Variants in CCSER2 observed in about 807,000 individuals in gnomAD.
CCSER2 encodes serine-rich coiled-coil domain-containing protein 2.
A neutral mutation model predicts 92.3 loss-of-function variants in CCSER2; 46 were observed. That is an observed-to-expected ratio of 0.50 (90% CI 0.39 to 0.64). The LOEUF is 0.64. CCSER2 is among the 30% of genes least tolerant of loss of function. The pLI is 0.00. For missense variants in CCSER2, 1,244 were observed against 1,238.9 expected (o/e 1.00, Z -0.06); for synonymous variants, 433 against 431.4 (o/e 1.00, Z -0.04).
intron 3 of CCSER2, among the ~76,000 whole-genome samples, chr10:84,409,237 C>T (rs1032045533): frequency 2.6e-5 from 4 of 151,958 alleles, no homozygotes; most frequent in Non-Finnish European, 4.4e-5. Context: ...GTGATCTGCC[C>T]GCCGTGGCCT....
chr10:84,483,459 A>G (rs1410775771), intron 9 of CCSER2, among the ~76,000 whole-genome samples: 17 of 152,050 alleles, frequency 1.1e-4, no homozygotes, highest in Non-Finnish European at 5.9e-5. Context: ...TTTTCCCATC[A>G]TAAATATTTA....
At position 84,373,719 on chromosome 10, in the gene CCSER2, C is replaced by T; in HGVS notation, c.1518C>T (p.Ser506=). The change falls in exon 3 of 10, where the codon AGC becomes AGT. Residue 506 remains serine (S), a synonymous_variant. Transcript: ENST00000372088. ...CGTTTGAACTCTCTCCATCTGATAGCTCTGATGGAACATACATGTGGGATG... is the reference window on the plus strand; with the variant it reads ...CGTTTGAACTCTCTCCATCTGATAGTTCTGATGGAACATACATGTGGGATG... The part of the protein sequence containing the change: ...GSSFELSPSD[S]SDGTYMWDEE... The T allele has an allele frequency of 1.2e-6, 2 of 1,613,304 alleles. No homozygotes were observed. The highest frequency in any genetic ancestry group is 1.7e-6 in the Non-Finnish European group (2 of 1,179,358).
chr10:84,481,731 C>T (rs1051821736), intron 9 of CCSER2, among the ~76,000 whole-genome samples: 19 of 152,038 alleles, frequency 1.2e-4, no homozygotes, highest in African/African-American at 4.1e-4. Context: ...GTGTGAAGCA[C>T]GTCTTAGTGG....
intron 6 of CCSER2, among the ~76,000 whole-genome samples, chr10:84,452,897 T>C (rs962692839): frequency 2.6e-5 from 4 of 152,188 alleles, no homozygotes; most frequent in African/African-American, 9.6e-5. Context: ...CAAGGATTAA[T>C]AGAGAGTACT....
intron 1 of CCSER2, among the ~76,000 whole-genome samples, chr10:84,363,147 ATTTTTTTTT>A (rs1182773588): frequency 2.4e-5 from 2 of 84,366 alleles, no homozygotes; most frequent in African/African-American, 1.3e-4. Flanking sequence ...ACACCCAGCT[ATTTTTTTTT>A]TTTTTTTTTG....
intron 1 of CCSER2, among the ~76,000 whole-genome samples, chr10:84,346,153 C>T (rs2133041230): frequency 6.6e-6 from 1 of 152,326 alleles, no homozygotes; most frequent in East Asian, 1.9e-4. Context: ...CAACCTCTGC[C>T]TCCCGGGTTC....
intron 9 of CCSER2, among the ~76,000 whole-genome samples, chr10:84,492,929 T>C (rs1438740022): frequency 6.6e-6 from 1 of 152,214 alleles, no homozygotes; most frequent in Non-Finnish European, 1.5e-5. Context: ...TTTCTTTTGT[T>C]GTACTGTCTT....
intron 1 of CCSER2, among the ~76,000 whole-genome samples, chr10:84,348,237 G>A (rs1414753627): frequency 6.6e-6 from 1 of 152,224 alleles, no homozygotes. Flanking sequence ...GATCACTCGC[G>A]GTTAGGAGCT....
intron 6 of CCSER2, among the ~76,000 whole-genome samples, chr10:84,447,745 T>C (rs920263541): frequency 2.6e-5 from 4 of 152,216 alleles, no homozygotes; most frequent in African/African-American, 9.6e-5. Context: ...CACTTTTATT[T>C]GTTTTTATCT....
intron 9 of CCSER2, among the ~76,000 whole-genome samples, chr10:84,507,563 G>A (rs187021865): frequency 1.4e-3 from 208 of 152,230 alleles, no homozygotes; most frequent in Non-Finnish European, 1.9e-3. Context: ...TTATGCAGTA[G>A]CATTATTACA....
intron 1 of CCSER2, among the ~76,000 whole-genome samples, chr10:84,334,908 A>T (rs1293201671): frequency 6.6e-6 from 1 of 152,134 alleles, no homozygotes; most frequent in Non-Finnish European, 1.5e-5. Context: ...GTCCTTGATA[A>T]GGACAGTGGG....
chr10:84,473,597 A>G (rs1039314294), intron 8 of CCSER2, among the ~76,000 whole-genome samples: 6 of 152,216 alleles, frequency 3.9e-5, no homozygotes, highest in Admixed American at 3.3e-4. Context: ...CGAGAAAGTC[A>G]CTTGTTCAAA....
At chr10:84,443,190 T>A (rs1844683194) in intron 6 of CCSER2, among the ~76,000 whole-genome samples, 1 of 152,076 alleles carries the variant, frequency 6.6e-6, no homozygotes, top group Admixed American at 6.5e-5. Context: ...CAAAAGAAAC[T>A]ACCATCAGAG....
chr10:84,477,758 T>A (rs1847238592), intron 9 of CCSER2, 94 bp downstream of exon 9: 3 of 715,610 alleles, frequency 4.2e-6, no homozygotes, highest in Non-Finnish European at 7.1e-6. Context: ...TGATTTTGAA[T>A]CTGTCATGGC....
intron 1 of CCSER2, among the ~76,000 whole-genome samples, chr10:84,339,274 A>G (rs988625469): frequency 9.3e-5 from 14 of 149,970 alleles, no homozygotes; most frequent in African/African-American, 3.4e-4. Flanking sequence ...AAAGTGCTGG[A>G]ATTATAGGCG....
intron 9 of CCSER2, among the ~76,000 whole-genome samples, chr10:84,513,082 G>A (rs1228610959): frequency 6.6e-6 from 1 of 152,020 alleles, no homozygotes; most frequent in Non-Finnish European, 1.5e-5. Flanking sequence ...ACACCTGAAT[G>A]TTTTGTGGAG....
intron 6 of CCSER2, among the ~76,000 whole-genome samples, chr10:84,440,998 G>A (rs1406349103): frequency 1.3e-5 from 2 of 152,154 alleles, no homozygotes; most frequent in Non-Finnish European, 2.9e-5. Flanking sequence ...TCACAGTAAT[G>A]TCCTTGGACT....
chr10:84,447,893 A>G (rs1224361342), intron 6 of CCSER2, among the ~76,000 whole-genome samples: 2 of 151,910 alleles, frequency 1.3e-5, no homozygotes, highest in Non-Finnish European at 2.9e-5. Context: ...TGCAGCCTCG[A>G]CCTCCTGGGC....
At chr10:84,489,713 T>G (rs1848035331) in intron 9 of CCSER2, among the ~76,000 whole-genome samples, 1 of 152,218 alleles carries the variant, frequency 6.6e-6, no homozygotes, top group Admixed American at 6.5e-5. Flanking sequence ...TCTGTGTCTT[T>G]TAATTGGAGC....
Sources: allele counts gnomAD v4.1 joint callset (sites outside exome capture counted in the v4.1 genomes callset), GRCh38; gene constraint gnomAD v4.1.1; transcripts MANE v1.5; gene names NCBI Gene and HGNC (gene_info 2026-07-23, HGNC 2026-07-21).